Variants in RASSF6 observed in about 807,000 individuals in gnomAD.
The protein encoded by RASSF6 is Ras association domain family member 6.
RASSF6 carries 52 observed loss-of-function variants against 44.0 expected under a neutral mutation model. The ratio of observed to expected loss-of-function variants is 1.18; its 90% confidence interval spans 0.95 to 1.49. The LOEUF is 1.49. RASSF6 is among the 40% of genes most tolerant of loss of function. The probability of loss-of-function intolerance (pLI) is 0.00; values close to 1 mark genes in which losing one functional copy is unlikely to be tolerated. For synonymous variants in RASSF6, 162 were observed against 124.6 expected (o/e 1.30, Z -2.00); for missense variants, 464 against 393.3 (o/e 1.18, Z -1.52).
At chr4:73,605,709 T>C (rs1239465899) in intron 2 of RASSF6, among the ~76,000 whole-genome samples, 1 of 152,252 alleles carries the variant, frequency 6.6e-6, no homozygotes, top group Non-Finnish European at 1.5e-5. Context: ...CAGAAAGCTC[T>C]GAATTCTGTC....
Position 73,572,365 on chromosome 4 carries a change from A to C in RASSF6, c.*3870T>G, listed in dbSNP as rs1722965568. 1 of 152,146 alleles carries C rather than the reference A, an allele frequency of 6.6e-6. No homozygotes were observed. The highest frequency in any genetic ancestry group is 6.5e-5 in the Admixed American group (1 of 15,272). The allele number at this position is 152,146 out of a possible 1,614,324, so 9.4% of individuals were successfully genotyped here. On this transcript the variant is annotated 3_prime_UTR_variant, in exon 11 of 11. Coordinates refer to ENST00000307439, the MANE Select transcript of RASSF6 (RefSeq NM_177532.5). The stretch of plus-strand genomic sequence containing the variant: ...CAGTCTCTTCCATTTTCCTGTATTA[A>C]AAGTAAGTCCCTAATTGCTAAAAGA...
intron 6 of RASSF6, among the ~76,000 whole-genome samples, chr4:73,583,076 G>A (rs1002704949): frequency 3.9e-5 from 6 of 152,022 alleles, no homozygotes; most frequent in Admixed American, 1.3e-4. Flanking sequence ...TGTTGTACAC[G>A]TGGTTTGATG....
intron 1 of RASSF6, among the ~76,000 whole-genome samples, chr4:73,612,069 T>C (rs1480539538): frequency 6.6e-6 from 1 of 152,194 alleles, no homozygotes; most frequent in Non-Finnish European, 1.5e-5. Flanking sequence ...TTTAGATATA[T>C]TTCTAGCAAA....
chr4:73,609,581 T>C (rs1363282262), intron 2 of RASSF6, among the ~76,000 whole-genome samples: 1 of 152,238 alleles, frequency 6.6e-6, no homozygotes, highest in Non-Finnish European at 1.5e-5. Flanking sequence ...ATTTTGATTA[T>C]GAAGATTCTG....
In RASSF6 at chr4:73,575,378, G is replaced by C. The variant is rs1451481836; in HGVS notation, c.*857C>G. On this transcript the variant is annotated 3_prime_UTR_variant, in exon 11 of 11. Coordinates refer to ENST00000307439, the MANE Select transcript of RASSF6 (RefSeq NM_177532.5). ...TGTAGAATAAGATGCTAAGAGGGCA[G>C]AGTTTGGGATTCCCTATGTAACTTC... 6.6e-6 allele frequency: 1 copy of C among 151,954 alleles called. No individual in the cohort carries two copies. Among genetic ancestry groups the C allele is most frequent in the African/African-American group, 2.4e-5 (1 of 41,344 alleles). 9.4% of individuals were successfully genotyped at this position (151,954 alleles called of 1,614,324 possible).
At chr4:73,618,963 C>A (rs952625502) in intron 1 of RASSF6, among the ~76,000 whole-genome samples, 4 of 152,150 alleles carry the variant, frequency 2.6e-5, no homozygotes, top group Admixed American at 2.0e-4. Flanking sequence ...AAGCCACTTT[C>A]CTGTAATTTA....
chr4:73,593,314 C>G (rs572343521), intron 4 of RASSF6, 137 bp downstream of exon 4: 18 of 880,230 alleles, frequency 2.0e-5, no homozygotes, highest in Non-Finnish European at 2.7e-5. Context: ...CCGTGCCCGG[C>G]CATTGCTGGG....
At chr4:73,609,678 A>G (rs1012098271) in intron 2 of RASSF6, among the ~76,000 whole-genome samples, 1 of 152,202 alleles carries the variant, frequency 6.6e-6, no homozygotes, top group Non-Finnish European at 1.5e-5. Context: ...TGTCTTGTTT[A>G]CCACAACAAT....
chr4:73,579,289 G>A (rs1461885128), intron 8 of RASSF6, among the ~76,000 whole-genome samples: 1 of 151,936 alleles, frequency 6.6e-6, no homozygotes, highest in African/African-American at 2.4e-5. Context: ...TATTTTTGTG[G>A]GATAGATTCT....
intron 1 of RASSF6, chr4:73,615,750 T>C (rs1424960119): frequency 3.1e-6 from 2 of 637,944 alleles, no homozygotes; most frequent in Non-Finnish European, 5.5e-6. Flanking sequence ...AGAGGTAGAA[T>C]TGGTCTGAAC....
At chr4:73,614,425 G>C (rs1038163088) in intron 1 of RASSF6, among the ~76,000 whole-genome samples, 2 of 152,164 alleles carry the variant, frequency 1.3e-5, no homozygotes, top group African/African-American at 4.8e-5. Flanking sequence ...CCTTATAAAA[G>C]AGACCCCAGA....
At chr4:73,603,164 T>C (rs1052017019) in intron 2 of RASSF6, among the ~76,000 whole-genome samples, 1 of 152,142 alleles carries the variant, frequency 6.6e-6, no homozygotes, top group African/African-American at 2.4e-5. Context: ...ACACAAAAAA[T>C]TGATTTTCTA....
chr4:73,580,941 C>A (rs7434831), intron 8 of RASSF6, among the ~76,000 whole-genome samples: 2 of 147,560 alleles, frequency 1.4e-5, no homozygotes, highest in African/African-American at 5.0e-5. Flanking sequence ...GACATGAAGT[C>A]CTTGCCCATG....
chr4:73,585,416 A>G, intron 5 of RASSF6, 52 bp from the exon 6 acceptor site: 3 of 1,268,410 alleles, frequency 2.4e-6, no homozygotes, highest in Non-Finnish European at 3.2e-6. Flanking sequence ...GTGTCCTAGC[A>G]TCCTGAGTGG....
chr4:73,602,359 G>GC (rs1180832556), intron 2 of RASSF6, among the ~76,000 whole-genome samples: 2 of 152,210 alleles, frequency 1.3e-5, no homozygotes, highest in Admixed American at 1.3e-4. Context: ...TGGTAGAGGT[G>GC]CAGAAATGAG....
chr4:73,606,551 G>A (rs17805665), intron 2 of RASSF6, among the ~76,000 whole-genome samples: 74,100 of 151,936 alleles, frequency 0.49, 18,472 homozygotes, highest in East Asian at 0.68. Context: ...GAGCAATTAG[G>A]CTGGTACTTA....
intron 4 of RASSF6, 130 bp downstream of exon 4, chr4:73,593,320 CT>C: frequency 1.0e-6 from 1 of 961,202 alleles, no homozygotes; most frequent in Non-Finnish European, 1.5e-6. Flanking sequence ...CCGGCCATTG[CT>C]GGGAAATTAA....
intron 2 of RASSF6, among the ~76,000 whole-genome samples, chr4:73,600,317 C>A (rs150303962): frequency 3.3e-5 from 5 of 151,674 alleles, no homozygotes; most frequent in Non-Finnish European, 5.9e-5. Flanking sequence ...CTAAAATTAT[C>A]GGGAAATATT....
At chr4:73,590,147 T>C (rs1310695502) in intron 4 of RASSF6, among the ~76,000 whole-genome samples, 3 of 152,194 alleles carry the variant, frequency 2.0e-5, no homozygotes, top group African/African-American at 4.8e-5. Context: ...GTACTGCCCA[T>C]AGAATTGTTT....
Sources: allele counts gnomAD v4.1 joint callset (sites outside exome capture counted in the v4.1 genomes callset), GRCh38; gene constraint gnomAD v4.1.1; transcripts MANE v1.5; gene names NCBI Gene and HGNC (gene_info 2026-07-23, HGNC 2026-07-21).